Variants in TMEM117 observed in about 807,000 individuals in gnomAD.
The protein encoded by TMEM117 is transmembrane protein 117.
Under a neutral mutation model 52.4 loss-of-function variants are expected in TMEM117, and 27 were observed. The observed-to-expected ratio is 0.51, with a 90% confidence interval of 0.38 to 0.71. TMEM117 has a LOEUF of 0.71. TMEM117 is among the 30% of genes least tolerant of loss of function. TMEM117 has a pLI of 0.00. For synonymous variants in TMEM117, 215 were observed against 206.3 expected, an observed-to-expected ratio of 1.04 and a Z score of -0.36; for missense variants, 556 against 630.5, an observed-to-expected ratio of 0.88 and a Z score of 1.26.
At chr12:43,850,182 G>A (rs1168447574) in intron 2 of TMEM117, among the ~76,000 whole-genome samples, 1 of 152,112 alleles carries the variant, frequency 6.6e-6, no homozygotes, top group African/African-American at 2.4e-5. Flanking sequence ...TCCTTGCCCT[G>A]TTATCCTCCA....
At chr12:44,398,435 C>T in the TMEM117 span, among the ~76,000 whole-genome samples, 15 of 152,122 alleles carry the variant, frequency 9.9e-5, no homozygotes, top group Admixed American at 7.9e-4. Context: ...CAAGCTGGGA[C>T]GTCAACCAGT....
chr12:44,264,262 C>T (rs575485921), intron 5 of TMEM117, among the ~76,000 whole-genome samples: 1 of 152,264 alleles, frequency 6.6e-6, no homozygotes, highest in African/African-American at 2.4e-5. Context: ...AAAGCCATTT[C>T]TCAGTGAGCC....
At chr12:43,818,586 G>A in the TMEM117 span, among the ~76,000 whole-genome samples, 4 of 152,032 alleles carry the variant, frequency 2.6e-5, no homozygotes, top group South Asian at 2.1e-4. Flanking sequence ...GACTACAGGC[G>A]TGTGCCATTA....
At chr12:44,182,818 G>C (rs1475910784) in intron 4 of TMEM117, among the ~76,000 whole-genome samples, 1 of 152,066 alleles carries the variant, frequency 6.6e-6, no homozygotes, top group East Asian at 1.9e-4. Flanking sequence ...TCGGTCAGTA[G>C]CACCTCCATC....
intron 3 of TMEM117, among the ~76,000 whole-genome samples, chr12:43,959,669 C>T (rs1945370335): frequency 1.3e-5 from 2 of 152,038 alleles, no homozygotes; most frequent in South Asian, 4.2e-4. Context: ...TTGTTTACAC[C>T]GGTAGCTTCC....
At chr12:44,027,239 G>A (rs959348991) in intron 3 of TMEM117, among the ~76,000 whole-genome samples, 12 of 144,984 alleles carry the variant, frequency 8.3e-5, no homozygotes, top group Non-Finnish European at 1.5e-5. Flanking sequence ...AGGCTGGAGT[G>A]CAGTGGCACA....
the TMEM117 span, chr12:43,805,769 G>A: frequency 1.5e-6 from 2 of 1,343,998 alleles, no homozygotes; most frequent in South Asian, 2.3e-5. Context: ...ATTCTGGCAT[G>A]GTTCTTTTTG....
At position 43,872,748 on chromosome 12, in the gene TMEM117, C is replaced by T. The variant is rs182295832; in HGVS notation, c.277+27820C>T. Among the ~76,000 whole-genome samples the T allele has an allele frequency of 3.0e-4, 45 of 152,246 alleles. No individual in the cohort carries two copies. In the East Asian group the frequency reaches 4.6e-3, roughly 16 times the overall value. Reference sequence around the variant, plus strand: ...CCCACTCTACCATCAAGTAGTGTGTCGTGCCTTGTGGTACAAAGAAATTGT... The same window carrying T: ...CCCACTCTACCATCAAGTAGTGTGTTGTGCCTTGTGGTACAAAGAAATTGT... On this transcript the variant is annotated intron_variant, in intron 2 of 7. Transcript: ENST00000266534.
intron 3 of TMEM117, among the ~76,000 whole-genome samples, chr12:44,033,844 C>T (rs1440227705): frequency 6.6e-6 from 1 of 152,210 alleles, no homozygotes; most frequent in Admixed American, 6.5e-5. Flanking sequence ...AGACAGTATT[C>T]TGCCACTGGA....
At chr12:43,835,816 C>A (rs1456040667), upstream of TMEM117, among the ~76,000 whole-genome samples, 3 of 151,862 alleles carry the variant, frequency 2.0e-5, no homozygotes, top group Admixed American at 1.3e-4. Context: ...ACGCGGCCCG[C>A]GGGCTGGAGT....
the TMEM117 span, among the ~76,000 whole-genome samples, chr12:44,396,337 C>T: frequency 3.3e-5 from 5 of 152,092 alleles, no homozygotes; most frequent in Non-Finnish European, 5.9e-5. Context: ...TACTGCCCCT[C>T]TCTTGTGTTC....
chr12:44,337,677 A>G (rs907109790), intron 6 of TMEM117, among the ~76,000 whole-genome samples: 9 of 152,060 alleles, frequency 5.9e-5, no homozygotes, highest in African/African-American at 1.9e-4. Context: ...TCTGATAGAG[A>G]TGAGGATAAC....
intron 4 of TMEM117, among the ~76,000 whole-genome samples, chr12:44,208,032 A>G (rs1006618342): frequency 6.6e-5 from 10 of 152,302 alleles, no homozygotes; most frequent in African/African-American, 2.2e-4. Context: ...ATGAAGCTGT[A>G]TAGCAAATGT....
chr12:44,187,083 A>C (rs867987868), intron 4 of TMEM117, among the ~76,000 whole-genome samples: 2 of 152,246 alleles, frequency 1.3e-5, no homozygotes, highest in Middle Eastern at 6.8e-3. Flanking sequence ...AAGGCAGACA[A>C]GTTTTCTACT....
chr12:44,202,383 T>C (rs1662944480), intron 4 of TMEM117, among the ~76,000 whole-genome samples: 1 of 147,842 alleles, frequency 6.8e-6, no homozygotes, highest in Non-Finnish European at 1.5e-5. Flanking sequence ...TTTCTGCATC[T>C]ATTAAGATGA....
chr12:44,242,519 T>G (rs1023226503), intron 5 of TMEM117, among the ~76,000 whole-genome samples: 1 of 151,798 alleles, frequency 6.6e-6, no homozygotes, highest in Admixed American at 6.6e-5. Context: ...ATGTGCCACA[T>G]TTTCTTTATT....
chr12:43,928,635 G>A (rs1302109542), intron 2 of TMEM117, among the ~76,000 whole-genome samples: 1 of 151,538 alleles, frequency 6.6e-6, no homozygotes, highest in Non-Finnish European at 1.5e-5. Context: ...GGGTACATGT[G>A]CACAATGCGC....
intron 6 of TMEM117, among the ~76,000 whole-genome samples, chr12:44,315,201 C>T (rs1951038892): frequency 6.6e-6 from 1 of 152,136 alleles, no homozygotes; most frequent in Admixed American, 6.6e-5. Context: ...AGAGAGCCAA[C>T]TTTTGGGTTC....
At chr12:44,182,582 C>G (rs1949218609) in intron 4 of TMEM117, among the ~76,000 whole-genome samples, 1 of 152,144 alleles carries the variant, frequency 6.6e-6, no homozygotes, top group Non-Finnish European at 1.5e-5. Flanking sequence ...TGTGACAAAC[C>G]CACAGCCAAT....
Sources: allele counts gnomAD v4.1 joint callset (sites outside exome capture counted in the v4.1 genomes callset), GRCh38; gene constraint gnomAD v4.1.1; transcripts MANE v1.5; gene names NCBI Gene and HGNC (gene_info 2026-07-23, HGNC 2026-07-21).